The following ZNF695 variants were observed in gnomAD, a reference collection of about 807,000 sequenced individuals.
The protein encoded by ZNF695 is zinc finger protein 695.
Under a neutral mutation model 11.2 loss-of-function variants are expected in ZNF695, and 11 were observed. That is an observed-to-expected ratio of 0.98 (90% CI 0.62 to 1.62). The LOEUF (loss-of-function observed/expected upper bound fraction) is 1.62, where lower values mean the gene tolerates loss of function less well. ZNF695 is among the 40% of genes most tolerant of loss of function. ZNF695 has a pLI of 0.00. For missense variants in ZNF695, 559 were observed against 590.5 expected (o/e 0.95, Z 0.55); for synonymous variants, 190 against 201.4 (o/e 0.94, Z 0.48).
downstream of ZNF695, among the ~76,000 whole-genome samples, chr1:246,982,270 CA>C (rs11397736): frequency 1.7e-3 from 189 of 111,202 alleles, no homozygotes; most frequent in Middle Eastern, 4.7e-3. Flanking sequence ...AACTTAGTCT[CA>C]AAAAAAAAAA....
chr1:247,005,994 G>A (rs1669522274), intron 1 of ZNF695, among the ~76,000 whole-genome samples: 1 of 152,254 alleles, frequency 6.6e-6, no homozygotes, highest in African/African-American at 2.4e-5. Flanking sequence ...GGGAGGCCGA[G>A]GCGGGAGGAT....
chr1:246,957,418 G>A (rs1668028747), intron 5 of ZNF695, among the ~76,000 whole-genome samples: 1 of 151,418 alleles, frequency 6.6e-6, no homozygotes, highest in African/African-American at 2.4e-5. Flanking sequence ...CACAAGCAAC[G>A]AAGAAACCAC....
At chr1:246,965,938 A>T (rs1668279095) in intron 5 of ZNF695, among the ~76,000 whole-genome samples, 1 of 150,538 alleles carries the variant, frequency 6.6e-6, no homozygotes, top group Non-Finnish European at 1.5e-5. Flanking sequence ...GAAAATTAAA[A>T]ATATATATAT....
At chr1:246,975,734 G>T (rs1668541082) in intron 4 of ZNF695, among the ~76,000 whole-genome samples, 1 of 152,122 alleles carries the variant, frequency 6.6e-6, no homozygotes, top group Admixed American at 6.6e-5. Context: ...GTAAGCTAAG[G>T]TGTAAACTGA....
chr1:246,982,649 C>T (rs904574880), downstream of ZNF695, among the ~76,000 whole-genome samples: 4 of 152,118 alleles, frequency 2.6e-5, no homozygotes, highest in African/African-American at 9.7e-5. Flanking sequence ...ATTCTCTGGC[C>T]CATGGACAGT....
intron 4 of ZNF695, among the ~76,000 whole-genome samples, chr1:246,970,754 T>C (rs1668403898): frequency 6.6e-6 from 1 of 151,990 alleles, no homozygotes; most frequent in South Asian, 2.1e-4. Flanking sequence ...AAAAACAAAG[T>C]GTTTTGTTTG....
intron 5 of ZNF695, among the ~76,000 whole-genome samples, chr1:246,948,996 G>C (rs1779958): frequency 0.51 from 77,933 of 151,738 alleles, 20,163 homozygotes; most frequent in Admixed American, 0.59. Context: ...ATGAATATTA[G>C]TTTCCTTTTT....
At chr1:246,945,609 G>A (rs1388941978), downstream of ZNF695, 1 of 595,316 alleles carries the variant, frequency 1.7e-6, no homozygotes. Context: ...GGGAAAAAAA[G>A]AGATATCTCA....
intron 3 of ZNF695, among the ~76,000 whole-genome samples, chr1:246,994,791 A>C (rs1289324069): frequency 8.6e-5 from 13 of 152,008 alleles, no homozygotes; most frequent in South Asian, 6.2e-4. Context: ...GAGCCAAGAT[A>C]GCCCCACTGC....
chr1:246,992,115 G>T (rs1344473579), intron 3 of ZNF695, among the ~76,000 whole-genome samples: 5 of 151,786 alleles, frequency 3.3e-5, no homozygotes, highest in African/African-American at 1.2e-4. Flanking sequence ...AGTGAGCCGA[G>T]ATCGCGCCAC....
intron 5 of ZNF695, among the ~76,000 whole-genome samples, chr1:246,963,546 C>A (rs557845175): frequency 1.3e-5 from 2 of 152,154 alleles, no homozygotes; most frequent in Admixed American, 6.5e-5. Context: ...GTAAATTCTA[C>A]GCTAGATGAC....
chr1:247,007,750 C>A (rs1436162837), intron 1 of ZNF695, among the ~76,000 whole-genome samples, 156 bp downstream of exon 1: 2 of 151,944 alleles, frequency 1.3e-5, no homozygotes, highest in Admixed American at 6.6e-5. Flanking sequence ...CTGCGCGGGA[C>A]GGGACTGAGG....
intron 5 of ZNF695, among the ~76,000 whole-genome samples, chr1:246,966,217 G>A (rs1029692292): frequency 1.1e-4 from 16 of 152,058 alleles, no homozygotes; most frequent in Admixed American, 6.6e-4. Context: ...GGTCGGGCGC[G>A]GTGGCTCACA....
chr1:246,976,459 T>G (rs1297761740), intron 4 of ZNF695, among the ~76,000 whole-genome samples: 5 of 152,176 alleles, frequency 3.3e-5, no homozygotes, highest in Non-Finnish European at 7.3e-5. Context: ...AATGTTGTAG[T>G]AGGCAACATT....
At chr1:246,973,165 T>G (rs1455320539) in intron 4 of ZNF695, among the ~76,000 whole-genome samples, 12 of 152,012 alleles carry the variant, frequency 7.9e-5, no homozygotes, top group African/African-American at 2.9e-4. Flanking sequence ...TTCTCCTGCC[T>G]CAGCCTCCCG....
At chr1:246,971,349 C>T (rs1235861780) in intron 4 of ZNF695, among the ~76,000 whole-genome samples, 17 of 152,222 alleles carry the variant, frequency 1.1e-4, no homozygotes, top group Non-Finnish European at 2.9e-5. Flanking sequence ...AGGAGTGTGA[C>T]CGCTGAAGCA....
rs907150026 is a variant in ZNF695, at chr1:246,972,797, C to T, written c.391-5005G>A. ...CCTCCCAAAGTGCTGGGATTGCAGG[C>T]GTGAGCCACTGAGCCCGGCAGCCTC... is the stretch of plus-strand genomic sequence containing the variant. On this transcript the variant is annotated intron_variant, in intron 4 of 5. Transcript: ENST00000487338. Among the ~76,000 whole-genome samples, 27 of 152,028 alleles carry T rather than the reference C, an allele frequency of 1.8e-4. 1 individual carries two copies. Among genetic ancestry groups the T allele is most frequent in the African/African-American group, 6.5e-4 (27 of 41,488 alleles).
intron 4 of ZNF695, among the ~76,000 whole-genome samples, chr1:246,979,081 C>T (rs13374538): frequency 0.025 from 3,793 of 152,232 alleles, 60 homozygotes; most frequent in African/African-American, 0.032. Flanking sequence ...ATATCCATTC[C>T]GGGTATACAC....
In ZNF695 at chr1:246,986,067, T is replaced by C. The variant is rs1668837385; in HGVS notation, c.*900A>G. 1 of 976,002 alleles carries C rather than the reference T, an allele frequency of 1.0e-6. No homozygotes were observed. The allele number at this position is 976,002 out of a possible 1,614,324, so 60.5% of individuals were successfully genotyped here. A position where few individuals can be genotyped will look rare whatever the true frequency, so the allele number is the denominator to read the frequency against. On this transcript the variant is annotated 3_prime_UTR_variant, in exon 4 of 4. Coordinates refer to ENST00000339986, the MANE Select transcript of ZNF695 (RefSeq NM_020394.5). ...CAGTGCACCGAGTATACTTTATTATTATGTTGTTATTATTATTATTGAGAA... is the reference window on the plus strand; with the variant it reads ...CAGTGCACCGAGTATACTTTATTATCATGTTGTTATTATTATTATTGAGAA...
Sources: gnomAD v4.1 joint callset for allele counts (sites outside exome capture counted in the v4.1 genomes callset) on GRCh38, gnomAD v4.1.1 for gene constraint, MANE v1.5 for transcripts, NCBI Gene and HGNC (gene_info 2026-07-23, HGNC 2026-07-21) for gene names.